The following ERBB4 variants were observed in gnomAD, a reference collection of about 807,000 sequenced individuals.
ERBB4 encodes erb-b2 receptor tyrosine kinase 4.
Under a neutral mutation model 158.0 loss-of-function variants are expected in ERBB4, and 42 were observed. That is an observed-to-expected ratio of 0.27 (90% confidence interval 0.21 to 0.34). The LOEUF (loss-of-function observed/expected upper bound fraction) is 0.34. ERBB4 is among the 10% of genes least tolerant of loss of function. The pLI, the probability that ERBB4 is intolerant of heterozygous loss-of-function variation, is 1.00. For missense variants in ERBB4, 1,333 were observed against 1,624.1 expected (o/e 0.82, Z 3.08); for synonymous variants, 583 against 558.7 (o/e 1.04, Z -0.61).
intron 2 of ERBB4, among the ~76,000 whole-genome samples, chr2:211,951,653 A>T (rs2080878972): frequency 6.6e-6 from 1 of 152,088 alleles, no homozygotes; most frequent in African/African-American, 2.4e-5. Flanking sequence ...GGAAGGTCAG[A>T]TTAAAAGCAA....
intron 6 of ERBB4, 145 bp from the exon 7 acceptor site, chr2:211,722,679 C>T: frequency 2.2e-6 from 2 of 889,178 alleles, no homozygotes; most frequent in East Asian, 2.7e-5. Context: ...TGTGTGTTTC[C>T]AAAATTTCAT....
chr2:212,401,463 T>C (rs1419074078), intron 1 of ERBB4, among the ~76,000 whole-genome samples: 2 of 152,142 alleles, frequency 1.3e-5, no homozygotes, highest in African/African-American at 2.4e-5. Context: ...GAAATACAAG[T>C]GCTTTGAAAA....
At position 212,126,914 on chromosome 2, in the gene ERBB4, A is replaced by C. The variant is rs574068498; in HGVS notation, c.83-2011T>G. Among the ~76,000 whole-genome samples, 100 of 152,286 alleles carry C rather than the reference A, an allele frequency of 6.6e-4. No homozygotes were observed. The Middle Eastern group carries it at 0.01, about 16-fold the overall frequency. ...TATGAACACATCGAAAATAACAAAA[A>C]TCTTAATCCAAAAATCTTGAAAAAT... is the stretch of plus-strand genomic sequence containing the variant. On this transcript the variant is annotated intron_variant, in intron 1 of 27. Transcript: ENST00000342788.
intron 2 of ERBB4, among the ~76,000 whole-genome samples, chr2:211,976,649 A>G (rs1026394870): frequency 1.1e-4 from 16 of 152,072 alleles, no homozygotes; most frequent in African/African-American, 3.4e-4. Context: ...GCTCTTTTCT[A>G]TAACTATAAA....
At chr2:211,839,145 G>C (rs2077408587) in intron 3 of ERBB4, among the ~76,000 whole-genome samples, 1 of 117,880 alleles carries the variant, frequency 8.5e-6, no homozygotes. Flanking sequence ...GAGAGAGGGA[G>C]AGAGAGAAGG....
intron 1 of ERBB4, among the ~76,000 whole-genome samples, chr2:212,434,947 G>T (rs921898768): frequency 1.3e-5 from 2 of 151,960 alleles, no homozygotes; most frequent in African/African-American, 4.8e-5. Flanking sequence ...AGAAACAAAT[G>T]ATTTAAAGTC....
chr2:212,373,770 T>TATCCATGTATAC (rs2090170721), intron 1 of ERBB4, among the ~76,000 whole-genome samples: 1 of 139,480 alleles, frequency 7.2e-6, no homozygotes, highest in African/African-American at 2.7e-5. Context: ...TCCACGTATA[T>TATCCATGTATAC]ATCCATGTAT....
At chr2:212,521,892 T>C (rs1014196054) in intron 1 of ERBB4, among the ~76,000 whole-genome samples, 1 of 151,998 alleles carries the variant, frequency 6.6e-6, no homozygotes, top group Non-Finnish European at 1.5e-5. Flanking sequence ...TGAGTTATTA[T>C]AAATATAATG....
intron 1 of ERBB4, among the ~76,000 whole-genome samples, chr2:212,177,260 G>A (rs2081697692): frequency 6.6e-6 from 1 of 151,566 alleles, no homozygotes; most frequent in African/African-American, 2.4e-5. Context: ...TCCCTATGGT[G>A]TTCTCATTTT....
At chr2:212,501,006 C>T (rs1002457448) in intron 1 of ERBB4, among the ~76,000 whole-genome samples, 1 of 152,060 alleles carries the variant, frequency 6.6e-6, no homozygotes, top group African/African-American at 2.4e-5. Context: ...AAAAGACTCT[C>T]AAGGGAACAA....
intron 1 of ERBB4, among the ~76,000 whole-genome samples, chr2:212,158,460 T>G (rs2081107483): frequency 1.3e-5 from 2 of 151,994 alleles, no homozygotes; most frequent in South Asian, 4.1e-4. Flanking sequence ...AAAAGTTCCC[T>G]ACCCCTTCTC....
At chr2:212,305,218 C>T (rs769296420) in intron 1 of ERBB4, among the ~76,000 whole-genome samples, 1 of 151,250 alleles carries the variant, frequency 6.6e-6, no homozygotes, top group Non-Finnish European at 1.5e-5. Context: ...TAAGTCATTA[C>T]TCTTTTCGGA....
intron 13 of ERBB4, among the ~76,000 whole-genome samples, chr2:211,676,652 C>T (rs10207288): frequency 0.7 from 106,469 of 152,050 alleles, 38,605 homozygotes; most frequent in African/African-American, 0.79. Flanking sequence ...GTTGCGAGTT[C>T]AGCCCATACT....
intron 1 of ERBB4, among the ~76,000 whole-genome samples, chr2:212,425,496 G>T (rs1216124001): frequency 6.8e-6 from 1 of 146,608 alleles, no homozygotes; most frequent in African/African-American, 2.6e-5. Context: ...CAAAAATAAG[G>T]AGGCAGTGGT....
chr2:211,414,523 A>G (rs2063340294), intron 25 of ERBB4, among the ~76,000 whole-genome samples: 1 of 133,526 alleles, frequency 7.5e-6, no homozygotes, highest in Non-Finnish European at 1.6e-5. Flanking sequence ...AAAAAAAAAA[A>G]GAAAAGAAAA....
intron 3 of ERBB4, among the ~76,000 whole-genome samples, chr2:211,909,411 C>T (rs191293375): frequency 4.1e-4 from 62 of 151,754 alleles, no homozygotes; most frequent in Non-Finnish European, 6.2e-4. Context: ...GTGTGAACAT[C>T]GTAAAGTACA....
intron 19 of ERBB4, among the ~76,000 whole-genome samples, chr2:211,617,867 A>C (rs186633103): frequency 3.5e-4 from 53 of 152,214 alleles, no homozygotes; most frequent in Admixed American, 3.2e-3. Flanking sequence ...CTTATTACTC[A>C]AGACATTATG....
intron 1 of ERBB4, among the ~76,000 whole-genome samples, chr2:212,289,151 T>G (rs78435944): frequency 0.014 from 2,125 of 152,256 alleles, 51 homozygotes; most frequent in African/African-American, 0.048. Context: ...ATGAAATGGG[T>G]GTAGTTTGAA....
intron 20 of ERBB4, among the ~76,000 whole-genome samples, chr2:211,432,351 C>T (rs957560774): frequency 6.6e-6 from 1 of 152,126 alleles, no homozygotes; most frequent in African/African-American, 2.4e-5. Flanking sequence ...TTACTTCAAA[C>T]AGCATCATGA....
Sources: allele counts gnomAD v4.1 joint callset (sites outside exome capture counted in the v4.1 genomes callset), GRCh38; gene constraint gnomAD v4.1.1; transcripts MANE v1.5; gene names NCBI Gene and HGNC (gene_info 2026-07-23, HGNC 2026-07-21).